VWA5A: variants seen among roughly 807,000 people sequenced by gnomAD.
VWA5A encodes the protein von Willebrand factor A domain containing 5A.
VWA5A carries 77 observed loss-of-function variants against 84.6 expected under a neutral mutation model. The ratio of observed to expected loss-of-function variants is 0.91; its 90% CI spans 0.76 to 1.10. The LOEUF (loss-of-function observed/expected upper bound fraction) is 1.10. VWA5A is among the 50% of genes least tolerant of loss of function. VWA5A has a pLI of 0.00. For missense variants in VWA5A, 973 were observed against 963.0 expected (o/e 1.01, Z -0.14); for synonymous variants, 334 against 350.1 (o/e 0.95, Z 0.51).
At chr11:124,135,219 T>C (rs1272460474) in intron 12 of VWA5A, among the ~76,000 whole-genome samples, 185 bp downstream of exon 12, 1 of 152,192 alleles carries the variant, frequency 6.6e-6, no homozygotes, top group Admixed American at 6.5e-5. Context: ...AGAAGCCCAC[T>C]GTAGTATCTG....
chr11:124,119,392 A>G (rs996163516), intron 7 of VWA5A, among the ~76,000 whole-genome samples: 2 of 152,252 alleles, frequency 1.3e-5, no homozygotes, highest in African/African-American at 4.8e-5. Flanking sequence ...ACAGACATCC[A>G]AATAATCATG....
rs1395068360 is a variant in VWA5A, at chr11:124,145,939, CT to C, written c.2359del (p.Ter787GlufsTer11). The C allele has an allele frequency of 1.3e-6, 2 of 1,584,526 alleles. No individual in the cohort carries two copies. Among genetic ancestry groups the C allele is most frequent in the African/African-American group, 1.3e-5 (1 of 74,494 alleles). Reference protein sequence around the residue: ...KSSVDPAIFAF With the variant: ...KSSVDPAIFAX ...CATCTGTGGATCCTGCTATCTTTGCCTTTTGAAGATACCATCCAGAAAAAGA... is the reference window on the plus strand; with the variant it reads ...CATCTGTGGATCCTGCTATCTTTGCCTTTGAAGATACCATCCAGAAAAAGA... On this transcript the variant is annotated frameshift_variant, in exon 19 of 19. Transcript: ENST00000456829. LOFTEE classifies it high-confidence loss of function.
At position 124,124,217 on chromosome 11, in the gene VWA5A, C is replaced by T. The variant is rs1161701355; in HGVS notation, c.1165-20C>T. 4 of 1,608,824 alleles carry T rather than the reference C, an allele frequency of 2.5e-6. No individual in the cohort carries two copies. Among genetic ancestry groups the T allele is most frequent in the Admixed American group, 1.7e-5 (1 of 59,620 alleles). On this transcript the variant is annotated intron_variant, in intron 10 of 18. Transcript: ENST00000456829. ...AAGAACTTGACAAAGACCTGATGAA[C>T]ATTTTCTTTCTTTGTATAGCTTTTT...
At position 124,128,702 on chromosome 11, in the gene VWA5A, G is replaced by A. The variant is rs140460547; in HGVS notation, c.1244+4386G>A. 6.9e-3 allele frequency among the ~76,000 whole-genome samples: 1,043 copies of A among 152,086 alleles called. 16 individuals carry two copies. Among genetic ancestry groups the A allele is most frequent in the African/African-American group, 0.024 (1,000 of 41,500 alleles). On this transcript the variant is annotated intron_variant, in intron 11 of 18. Transcript: ENST00000456829. ...CTCCTTGAAGAGGTCCTTCACATCC[G>A]TTGTAAGTTGTATTCATAGGTATTT...
chr11:124,119,158 T>C, intron 7 of VWA5A, 69 bp downstream of exon 7: 1 of 1,380,224 alleles, frequency 7.2e-7, no homozygotes, highest in Non-Finnish European at 1.0e-6. Context: ...ACTGTCGAAT[T>C]ACTCTCTTTT....
Position 124,142,467 on chromosome 11 carries a change from G to A in VWA5A, c.2049G>A (p.Gln683=), listed in dbSNP as rs1400919699. The A allele has an allele frequency of 6.2e-7, 1 of 1,614,146 alleles. No individual in the cohort carries two copies. Among genetic ancestry groups the A allele is most frequent in the South Asian group, 1.1e-5 (1 of 91,072 alleles). ...SPGFGENHLV[Q]LIYHQNANGS... The stretch of plus-strand genomic sequence containing the variant: ...GCTTTGGAGAGAATCACCTTGTGCA[G>A]CTGATTTACCACCAAAATGCAAATG... The change falls in exon 17 of 19, where the codon CAG becomes CAA. Residue 683 remains glutamine (Q), a synonymous_variant. Coordinates refer to ENST00000456829, the MANE Select transcript of VWA5A (RefSeq NM_001130142.2).
intron 8 of VWA5A, 35 bp from the exon 9 acceptor site, chr11:124,123,331 T>C: frequency 1.3e-6 from 2 of 1,599,018 alleles, no homozygotes; most frequent in Non-Finnish European, 1.7e-6. Context: ...GGCGAGCCTC[T>C]CTCACTCTGT....
intron 10 of VWA5A, 50 bp from the exon 11 acceptor site, chr11:124,124,187 T>G: frequency 6.3e-7 from 1 of 1,582,808 alleles, no homozygotes; most frequent in Non-Finnish European, 8.6e-7. Flanking sequence ...TTCTGGTTTC[T>G]TAAAAAGAAC....
chr11:124,134,897 C>T (rs200960026), intron 11 of VWA5A, 23 bp from the exon 12 acceptor site: 624 of 1,587,982 alleles, frequency 3.9e-4, no homozygotes, highest in Non-Finnish European at 5.0e-4. Context: ...CTTCCTCTAA[C>T]CTCTGTCCTG....
At chr11:124,133,351 CGT>C (rs1865125951) in intron 11 of VWA5A, among the ~76,000 whole-genome samples, 1 of 152,268 alleles carries the variant, frequency 6.6e-6, no homozygotes, top group Non-Finnish European at 1.5e-5. Flanking sequence ...CTCCCGCCTG[CGT>C]GTAACCACTT....
chr11:124,131,744 CA>C (rs1188944564), intron 11 of VWA5A, among the ~76,000 whole-genome samples: 1 of 151,262 alleles, frequency 6.6e-6, no homozygotes, highest in Non-Finnish European at 1.5e-5. Flanking sequence ...ATCACATTTG[CA>C]AAAAATATCA....
intron 11 of VWA5A, 27 bp from the exon 12 acceptor site, chr11:124,134,893 C>T (rs752345395): frequency 1.3e-6 from 2 of 1,578,236 alleles, no homozygotes. Context: ...ATGCCTTCCT[C>T]TAACCTCTGT....
At chr11:124,121,014 C>G (rs928023558) in intron 7 of VWA5A, among the ~76,000 whole-genome samples, 1 of 152,208 alleles carries the variant, frequency 6.6e-6, no homozygotes, top group African/African-American at 2.4e-5. Context: ...CAGGACTGCT[C>G]AAGTCTTGCT....
At chr11:124,124,582 C>A in intron 11 of VWA5A, 1 of 1,169,432 alleles carries the variant, frequency 8.6e-7, no homozygotes, top group African/African-American at 1.6e-5. Flanking sequence ...ATTTTTTTTA[C>A]TATAAACATT....
rs753226685 is a variant in VWA5A, at chr11:124,145,956, C to T, written c.*11C>T. ...ATCTTTGCCTTTTGAAGATACCATC[C>T]AGAAAAAGAAGTGCCTTTAATTTGC... is the stretch of plus-strand genomic sequence containing the variant. On this transcript the variant is annotated 3_prime_UTR_variant, in exon 19 of 19. Transcript: ENST00000456829. 2 of 1,577,438 alleles carry T rather than the reference C, an allele frequency of 1.3e-6. No homozygotes were observed. Among genetic ancestry groups the T allele is most frequent in the South Asian group, 2.3e-5 (2 of 86,580 alleles).
rs757180222 is a variant in VWA5A, at chr11:124,134,899, T to C, written c.1245-21T>C. ...CACTGTTTAATGCCTTCCTCTAACC[T>C]CTGTCCTGTTACAATTGCAGGTGTT... On this transcript the variant is annotated intron_variant, in intron 11 of 18. Transcript: ENST00000456829. 90 of 1,592,076 alleles carry C rather than the reference T, an allele frequency of 5.7e-5. No individual in the cohort carries two copies. The East Asian group carries it at 2.0e-3, about 35-fold the overall frequency.
At chr11:124,123,605 A>G (rs1339751383) in intron 9 of VWA5A, 55 bp from the exon 10 acceptor site, 7 of 1,614,010 alleles carry the variant, frequency 4.3e-6, no homozygotes, top group East Asian at 4.5e-5. Flanking sequence ...CAGGGACTCT[A>G]TACTGGGCAA....
chr11:124,127,147 C>T (rs1159373990), intron 11 of VWA5A, among the ~76,000 whole-genome samples: 1 of 152,168 alleles, frequency 6.6e-6, no homozygotes, highest in Non-Finnish European at 1.5e-5. Context: ...TTAGATATTT[C>T]TAATTCTATC....
At chr11:124,119,843 GA>G (rs1321566715) in intron 7 of VWA5A, among the ~76,000 whole-genome samples, 13 of 152,248 alleles carry the variant, frequency 8.5e-5, no homozygotes, top group Admixed American at 2.6e-4. Context: ...TGTGCTTTAG[GA>G]AAAACATTTT....
Sources: allele counts gnomAD v4.1 joint callset (sites outside exome capture counted in the v4.1 genomes callset), GRCh38; gene constraint gnomAD v4.1.1; transcripts MANE v1.5; gene names NCBI Gene and HGNC (gene_info 2026-07-23, HGNC 2026-07-21).